Variants in FAM120A observed in about 807,000 individuals in gnomAD.
The protein encoded by FAM120A is family with sequence similarity 120 member A, also known as constitutive coactivator of PPAR-gamma-like protein 1.
Under a neutral mutation model 109.7 loss-of-function variants are expected in FAM120A, and 15 were observed. That is an observed-to-expected ratio of 0.14 (90% CI 0.09 to 0.21). FAM120A has a LOEUF of 0.21. Ranked by LOEUF, FAM120A falls within the 10% of genes least tolerant of loss-of-function variation. FAM120A has a pLI of 1.00. For synonymous variants in FAM120A, 493 were observed against 572.8 expected (o/e 0.86, Z 1.99); for missense variants, 899 against 1,439.3 (o/e 0.62, Z 6.07).
At chr9:93,559,776 A>G (rs1375425458) in intron 15 of FAM120A, among the ~76,000 whole-genome samples, 1 of 152,222 alleles carries the variant, frequency 6.6e-6, no homozygotes, top group Non-Finnish European at 1.5e-5. Flanking sequence ...GGGAGATTGT[A>G]CTATGGATAG....
intron 1 of FAM120A, among the ~76,000 whole-genome samples, chr9:93,467,013 C>T (rs1017852439): frequency 6.6e-6 from 1 of 152,180 alleles, no homozygotes; most frequent in Non-Finnish European, 1.5e-5. Flanking sequence ...CTATTTCATA[C>T]ATTTTATAAT....
intron 16 of FAM120A, 107 bp from the exon 17 acceptor site, chr9:93,562,101 G>T (rs1587644193): frequency 2.1e-6 from 2 of 956,702 alleles, no homozygotes; most frequent in East Asian, 5.3e-5. Context: ...TTAATTCAGT[G>T]CTTCATAAAA....
rs373654143 is a variant in FAM120A, at chr9:93,564,386, C to T, written c.3203C>T (p.Thr1068Met). ...EKPAPQMNGS[T>M]GDARAPSHSE... ...CCGGCTCCCCAGATGAACGGGAGCA[C>T]GGGTGACGCCAGGGCCCCCAGCCAC... The change falls in exon 18 of 18, where the codon ACG becomes ATG. Residue 1068 changes from threonine (T) to methionine (M), a missense_variant. This residue lies in a region of FAM120A where 170 missense variants were observed against 205.0 expected (regional missense o/e 0.83). Transcript: ENST00000277165. 11 of 1,612,172 alleles carry T rather than the reference C, an allele frequency of 6.8e-6. No individual in the cohort carries two copies. The highest frequency in any genetic ancestry group is 2.2e-4 in the Middle Eastern group (1 of 4,632).
chr9:93,516,371 G>C, intron 7 of FAM120A, 102 bp downstream of exon 7: 1 of 1,527,966 alleles, frequency 6.5e-7, no homozygotes, highest in Non-Finnish European at 8.9e-7. Context: ...CAGAGATGTA[G>C]TTTATTGCAG....
At chr9:93,462,608 G>A (rs1192204066) in intron 1 of FAM120A, among the ~76,000 whole-genome samples, 1 of 152,092 alleles carries the variant, frequency 6.6e-6, no homozygotes, top group Non-Finnish European at 1.5e-5. Context: ...TATTCACATT[G>A]TTGTATAACC....
At chr9:93,476,525 A>T (rs1442410210) in intron 3 of FAM120A, among the ~76,000 whole-genome samples, 187 bp downstream of exon 3, 1 of 152,206 alleles carries the variant, frequency 6.6e-6, no homozygotes, top group Non-Finnish European at 1.5e-5. Flanking sequence ...TGTTCTCAAC[A>T]CCTATATGTT....
chr9:93,517,473 T>G lies in FAM120A; in HGVS notation c.1418+1204T>G, dbSNP rs920635251. 1.2e-4 allele frequency among the ~76,000 whole-genome samples: 19 copies of G among 152,324 alleles called. 1 individual carries two copies. Among genetic ancestry groups the G allele is most frequent in the Admixed American group, 9.1e-4 (14 of 15,304 alleles). On this transcript the variant is annotated intron_variant, in intron 7 of 17. Transcript: ENST00000277165. ...AGTCAGTCTTTAGCACACTGAAGTTTGAGAACAACTGCTTGATGGTCTTGG... is the reference window on the plus strand; with the variant it reads ...AGTCAGTCTTTAGCACACTGAAGTTGGAGAACAACTGCTTGATGGTCTTGG...
chr9:93,519,609 G>A (rs997919095), intron 7 of FAM120A, among the ~76,000 whole-genome samples: 1 of 152,104 alleles, frequency 6.6e-6, no homozygotes, highest in Non-Finnish European at 1.5e-5. Context: ...GCATAGCAAG[G>A]TGTGACCCCA....
intron 5 of FAM120A, among the ~76,000 whole-genome samples, chr9:93,512,422 C>G (rs1860368976): frequency 6.6e-6 from 1 of 152,204 alleles, no homozygotes; most frequent in Admixed American, 6.5e-5. Context: ...TCTTTTCATT[C>G]TGAAAGAACT....
chr9:93,508,075 T>G (rs1860143641), intron 5 of FAM120A, among the ~76,000 whole-genome samples: 1 of 152,066 alleles, frequency 6.6e-6, no homozygotes, highest in Non-Finnish European at 1.5e-5. Context: ...TAGGGGAGCT[T>G]GATCTCTCAT....
intron 3 of FAM120A, among the ~76,000 whole-genome samples, chr9:93,496,644 A>G (rs571086297): frequency 6.6e-6 from 1 of 152,212 alleles, no homozygotes; most frequent in African/African-American, 2.4e-5. Context: ...TGTCTGGGTA[A>G]TCCAGGACAG....
intron 1 of FAM120A, among the ~76,000 whole-genome samples, chr9:93,465,079 C>G (rs1446366025): frequency 6.6e-6 from 1 of 152,228 alleles, no homozygotes; most frequent in Non-Finnish European, 1.5e-5. Flanking sequence ...CTTCAGAAGA[C>G]CAGATGAACA....
chr9:93,549,225 A>G (rs1217075862), intron 11 of FAM120A, among the ~76,000 whole-genome samples: 1 of 152,238 alleles, frequency 6.6e-6, no homozygotes, highest in Non-Finnish European at 1.5e-5. Context: ...TAAATACCAT[A>G]GAAATGTAAC....
At chr9:93,505,702 G>A (rs976249785) in intron 5 of FAM120A, among the ~76,000 whole-genome samples, 2 of 152,184 alleles carry the variant, frequency 1.3e-5, no homozygotes, top group Non-Finnish European at 2.9e-5. Context: ...TTTGAGGGTG[G>A]TTGATAGATA....
intron 10 of FAM120A, among the ~76,000 whole-genome samples, chr9:93,540,997 G>A (rs1441384266): frequency 2.6e-5 from 4 of 151,926 alleles, no homozygotes; most frequent in Admixed American, 2.0e-4. Context: ...AACCCCTAGG[G>A]GACTCCTGAC....
intron 1 of FAM120A, among the ~76,000 whole-genome samples, chr9:93,467,280 T>C (rs7021689): frequency 0.46 from 45,813 of 98,656 alleles, 13,189 homozygotes; most frequent in African/African-American, 0.58. Flanking sequence ...TGAATAACTG[T>C]GGAACCACAC....
chr9:93,492,186 A>G (rs995502346), intron 3 of FAM120A, among the ~76,000 whole-genome samples: 2 of 151,896 alleles, frequency 1.3e-5, no homozygotes, highest in African/African-American at 4.8e-5. Flanking sequence ...GTGTGTATAT[A>G]TATATATATG....
chr9:93,469,185 G>A (rs1004639928), intron 1 of FAM120A, among the ~76,000 whole-genome samples: 5 of 152,188 alleles, frequency 3.3e-5, no homozygotes, highest in African/African-American at 1.2e-4. Flanking sequence ...TCTCACCCAG[G>A]CATTGTTCAC....
intron 3 of FAM120A, among the ~76,000 whole-genome samples, chr9:93,482,142 A>T (rs1021951463): frequency 6.6e-6 from 1 of 151,414 alleles, no homozygotes; most frequent in South Asian, 2.1e-4. Context: ...TACCGGGGGC[A>T]ATCTATCAGG....
Sources: gnomAD v4.1 joint callset for allele counts (sites outside exome capture counted in the v4.1 genomes callset) on GRCh38, gnomAD v4.1.1 for gene constraint, gnomAD v4.1.1 regional missense constraint, MANE v1.5 for transcripts, NCBI Gene and HGNC (gene_info 2026-07-23, HGNC 2026-07-21) for gene names.